The following FAXDC2 variants were observed in gnomAD, a reference collection of about 807,000 sequenced individuals.
FAXDC2 encodes the protein fatty acid hydroxylase domain containing 2, also known as fatty acid hydroxylase domain-containing protein 2.
FAXDC2 carries 41 observed loss-of-function variants against 40.9 expected under a neutral mutation model. The ratio of observed to expected loss-of-function variants is 1.00; its 90% CI spans 0.78 to 1.30. The LOEUF (loss-of-function observed/expected upper bound fraction) is 1.30, where lower values mean the gene tolerates loss of function less well. FAXDC2 is among the 50% of genes most tolerant of loss of function. FAXDC2 has a pLI of 0.00. For missense variants in FAXDC2, 390 were observed against 408.8 expected, an observed-to-expected ratio of 0.95 and a Z score of 0.40; for synonymous variants, 157 against 149.3, an observed-to-expected ratio of 1.05 and a Z score of -0.38.
At chr5:154,837,931 T>G (rs1760391600) in intron 2 of FAXDC2, among the ~76,000 whole-genome samples, 200 bp downstream of exon 2, 1 of 152,240 alleles carries the variant, frequency 6.6e-6, no homozygotes, top group Non-Finnish European at 1.5e-5. Flanking sequence ...ATTCGCAGTC[T>G]GCATTCAGGC....
intron 8 of FAXDC2, 103 bp downstream of exon 8, chr5:154,821,157 G>T: frequency 1.1e-6 from 1 of 951,926 alleles, no homozygotes; most frequent in Non-Finnish European, 1.6e-6. Flanking sequence ...TCCCCAACTA[G>T]CACTCACATG....
intron 7 of FAXDC2, 75 bp from the exon 8 acceptor site, chr5:154,821,501 A>G: frequency 4.0e-6 from 5 of 1,237,690 alleles, no homozygotes; most frequent in Non-Finnish European, 4.4e-6. Context: ...CTTAGTCCCA[A>G]GGTGGTACCA....
chr5:154,827,599 A>G (rs1372784557), intron 5 of FAXDC2, among the ~76,000 whole-genome samples: 4 of 151,880 alleles, frequency 2.6e-5, no homozygotes, highest in African/African-American at 4.8e-5. Flanking sequence ...CATTACACCT[A>G]ACCGTAGCTT....
rs920421073 is a variant in FAXDC2, at chr5:154,823,486, C to T, written c.473G>A (p.Arg158Lys). ...VFLYPFLKWWRDPCRRELPTF... is the reference protein window; with the variant it reads ...VFLYPFLKWWKDPCRRELPTF... ...GGGTAGCTCACGGCGGCAGGGGTCT[C>T]TCCACCATTTGAGGAAGGGATAGAG... is the stretch of plus-strand genomic sequence containing the variant. The change falls in exon 6 of 9, where the codon AGA becomes AAA. Residue 158 changes from arginine (R) to lysine (K), a missense_variant. Arg to Lys is a conservative substitution (Grantham distance 26). Coordinates refer to ENST00000326080, the MANE Select transcript of FAXDC2 (RefSeq NM_032385.5). 59 of 1,614,032 alleles carry T rather than the reference C, an allele frequency of 3.7e-5. No homozygotes were observed. Among genetic ancestry groups the T allele is most frequent in the Non-Finnish European group, 4.4e-5 (52 of 1,180,032 alleles).
At chr5:154,840,594 T>A (rs765961122) in intron 1 of FAXDC2, among the ~76,000 whole-genome samples, 5 of 152,006 alleles carry the variant, frequency 3.3e-5, no homozygotes, top group Non-Finnish European at 7.4e-5. Context: ...AGCAGCATGA[T>A]CATGGCTCAC....
Position 154,839,487 on chromosome 5 carries a change from TA to T in FAXDC2, c.1-1310del, listed in dbSNP as rs58433153. On this transcript the variant is annotated intron_variant, in intron 1 of 8. Coordinates refer to ENST00000326080, the MANE Select transcript of FAXDC2 (RefSeq NM_032385.5). ...AGAGACACCCTGTCTCTACAAAAAA[TA>T]AAAAAAAAAATTAGCCAGGTGTGGT... is the stretch of plus-strand genomic sequence containing the variant. Among the ~76,000 whole-genome samples, 15 of 142,270 alleles carry T rather than the reference TA, an allele frequency of 1.1e-4. 1 individual carries two copies. Among genetic ancestry groups the T allele is most frequent in the South Asian group, 6.7e-4 (3 of 4,466 alleles). 93.3% of individuals were successfully genotyped at this position (142,270 alleles called of 152,430 possible). A position where few individuals can be genotyped will look rare whatever the true frequency, so the allele number is the denominator to read the frequency against.
intron 4 of FAXDC2, among the ~76,000 whole-genome samples, chr5:154,831,948 T>A (rs1760203319): frequency 6.6e-6 from 1 of 152,080 alleles, no homozygotes; most frequent in South Asian, 2.1e-4. Flanking sequence ...TATTTCCATA[T>A]AATGGAATAG....
intron 6 of FAXDC2, chr5:154,823,160 C>T: frequency 1.9e-6 from 1 of 524,298 alleles, no homozygotes; most frequent in Non-Finnish European, 3.4e-6. Context: ...TACAAGTACA[C>T]ACCACCATGC....
intron 5 of FAXDC2, among the ~76,000 whole-genome samples, chr5:154,825,243 AG>A (rs1031168214): frequency 2.6e-5 from 4 of 152,008 alleles, no homozygotes; most frequent in African/African-American, 4.8e-5. Flanking sequence ...ATGCACTTGT[AG>A]TCCCAGCTAC....
chr5:154,830,665 T>C (rs1760164893), intron 5 of FAXDC2, 136 bp downstream of exon 5: 1 of 998,294 alleles, frequency 1.0e-6, no homozygotes, highest in Non-Finnish European at 1.5e-6. Context: ...TTTAACCTTC[T>C]AAACTGGGGG....
chr5:154,843,074 C>T (rs1158776158), intron 1 of FAXDC2, among the ~76,000 whole-genome samples: 1 of 152,168 alleles, frequency 6.6e-6, no homozygotes, highest in Non-Finnish European at 1.5e-5. Context: ...ACAGGCAGAG[C>T]CTTCACGTTA....
At chr5:154,824,424 C>A (rs564553543) in intron 5 of FAXDC2, 2 of 695,238 alleles carry the variant, frequency 2.9e-6, no homozygotes, top group East Asian at 5.4e-5. Context: ...CCCCAAAGCG[C>A]GACAGGTTCA....
intron 4 of FAXDC2, among the ~76,000 whole-genome samples, chr5:154,832,309 G>A (rs1760213341): frequency 1.3e-5 from 2 of 151,922 alleles, no homozygotes; most frequent in African/African-American, 2.4e-5. Context: ...TGCCTCCCGG[G>A]TTCACGCCAT....
At chr5:154,847,487 C>CTTTTTTTTT (rs557543082) in intron 1 of FAXDC2, among the ~76,000 whole-genome samples, 11 of 132,306 alleles carry the variant, frequency 8.3e-5, no homozygotes, top group East Asian at 2.1e-4. Flanking sequence ...TTCTTTCTTT[C>CTTTTTTTTT]TTTTTTTTTT....
At chr5:154,849,148 C>T (rs1277366161) in intron 1 of FAXDC2, among the ~76,000 whole-genome samples, 5 of 150,682 alleles carry the variant, frequency 3.3e-5, no homozygotes, top group Non-Finnish European at 4.4e-5. Context: ...GGTGTGGTGG[C>T]GGGCACCTGT....
intron 6 of FAXDC2, among the ~76,000 whole-genome samples, 156 bp from the exon 7 acceptor site, chr5:154,822,733 A>G (rs989674417): frequency 6.6e-6 from 1 of 152,206 alleles, no homozygotes; most frequent in Admixed American, 6.5e-5. Context: ...CAGCCCTTAT[A>G]CTGCATAGTT....
intron 5 of FAXDC2, among the ~76,000 whole-genome samples, chr5:154,830,097 G>C (rs1276293241): frequency 6.6e-6 from 1 of 152,216 alleles, no homozygotes; most frequent in East Asian, 1.9e-4. Context: ...TGATTGTCTT[G>C]TCTGGGAAAG....
chr5:154,837,283 TTTTGTTTG>T (rs563450749), intron 2 of FAXDC2, among the ~76,000 whole-genome samples: 15 of 152,020 alleles, frequency 9.9e-5, no homozygotes, highest in African/African-American at 3.1e-4. Context: ...TTTTTTGTTT[TTTTGTTTG>T]TTTGTTTGTT....
At chr5:154,843,538 C>T (rs2113168289) in intron 1 of FAXDC2, among the ~76,000 whole-genome samples, 1 of 152,354 alleles carries the variant, frequency 6.6e-6, no homozygotes, top group East Asian at 1.9e-4. Flanking sequence ...GGTAGGAGAT[C>T]TGGTACACCA....
Sources: gnomAD v4.1 joint callset for allele counts (sites outside exome capture counted in the v4.1 genomes callset) on GRCh38, gnomAD v4.1.1 for gene constraint, MANE v1.5 for transcripts, NCBI Gene and HGNC (gene_info 2026-07-23, HGNC 2026-07-21) for gene names.